The following RNF135 variants were observed in gnomAD, a reference collection of about 807,000 sequenced individuals.
The protein encoded by RNF135 is E3 ubiquitin-protein ligase RNF135.
A neutral mutation model predicts 41.9 loss-of-function variants in RNF135; 46 were observed. That is an observed-to-expected ratio of 1.10 (90% CI 0.87 to 1.40). The LOEUF (loss-of-function observed/expected upper bound fraction) is 1.40, where lower values mean the gene tolerates loss of function less well. Among genes scored for constraint, RNF135 ranks in the 40% most tolerant of loss-of-function variants. The pLI is 0.00. For synonymous variants in RNF135, 238 were observed against 223.8 expected, an observed-to-expected ratio of 1.06 and a Z score of -0.57; for missense variants, 539 against 549.8, an observed-to-expected ratio of 0.98 and a Z score of 0.20.
the RNF135 span, among the ~76,000 whole-genome samples, chr17:30,964,388 T>TAA: frequency 2.7e-5 from 1 of 37,628 alleles, no homozygotes; most frequent in African/African-American, 4.3e-4. Context: ...AGACTTCATC[T>TAA]CAAAAAAAAA....
intron 1 of RNF135, chr17:30,975,634 A>G: frequency 1.8e-6 from 2 of 1,105,162 alleles, no homozygotes; most frequent in Non-Finnish European, 2.8e-6. Context: ...AGCAAAAACA[A>G]GAAACTCCAC....
Position 30,983,353 on chromosome 17 carries a change from A to AT in RNF135, c.373-1246dup, listed in dbSNP as rs1192298651. Among the ~76,000 whole-genome samples the AT allele has an allele frequency of 3.4e-3, 120 of 35,738 alleles. 14 individuals carry two copies. The highest frequency in any genetic ancestry group is 5.2e-3 in the Non-Finnish European group (97 of 18,668). 23.4% of individuals were successfully genotyped at this position (35,738 alleles called of 152,430 possible). A position where few individuals can be genotyped will look rare whatever the true frequency, so the allele number is the denominator to read the frequency against. ...TATATATATATATATATATATATATATTTTTTTTTTTTTTTTTTGAGATGG... is the reference window on the plus strand; with the variant it reads ...TATATATATATATATATATATATATATTTTTTTTTTTTTTTTTTTGAGATGG... On this transcript the variant is annotated intron_variant, in intron 1 of 4. Transcript: ENST00000328381.
the RNF135 span, among the ~76,000 whole-genome samples, chr17:30,963,394 AAC>A: frequency 6.6e-6 from 1 of 151,942 alleles, no homozygotes; most frequent in Non-Finnish European, 1.5e-5. Flanking sequence ...CATCCTGGCT[AAC>A]ACGGTGAAAC....
intron 3 of RNF135, chr17:30,993,853 C>G: frequency 1.3e-6 from 1 of 797,296 alleles, no homozygotes; most frequent in South Asian, 1.6e-5. Flanking sequence ...CTCTGTTGCC[C>G]AGGCTGGAGT....
intron 3 of RNF135, chr17:30,993,918 C>T: frequency 1.6e-6 from 1 of 607,454 alleles, no homozygotes; most frequent in Non-Finnish European, 2.9e-6. Flanking sequence ...ATCTTCCTTC[C>T]TAAGACTCCC....
intron 1 of RNF135, among the ~76,000 whole-genome samples, chr17:30,983,556 G>A (rs1031902395): frequency 1.3e-5 from 2 of 150,708 alleles, no homozygotes; most frequent in African/African-American, 4.9e-5. Flanking sequence ...GTTTCACCAG[G>A]TTGGCCAGGA....
chr17:30,981,167 G>C (rs945916545), intron 1 of RNF135, among the ~76,000 whole-genome samples: 1 of 149,750 alleles, frequency 6.7e-6, no homozygotes, highest in African/African-American at 2.5e-5. Context: ...AGACCAGCCC[G>C]GCCAACACAG....
the RNF135 span, among the ~76,000 whole-genome samples, chr17:30,964,389 CAAA>C: frequency 5.4e-5 from 2 of 37,196 alleles, no homozygotes; most frequent in Non-Finnish European, 1.2e-4. Flanking sequence ...GACTTCATCT[CAAA>C]AAAAAAAAAA....
chr17:30,975,193 C>T (rs1205466863), intron 1 of RNF135, among the ~76,000 whole-genome samples: 2 of 151,738 alleles, frequency 1.3e-5, no homozygotes, highest in East Asian at 3.9e-4. Context: ...TGTGATGACA[C>T]ATGGCTGTGG....
At chr17:30,975,931 C>T (rs1906410692) in intron 1 of RNF135, 2 of 566,562 alleles carry the variant, frequency 3.5e-6, no homozygotes, top group Non-Finnish European at 6.6e-6. Flanking sequence ...ACTCTTCTGC[C>T]TGTTCATCTC....
chr17:30,983,353 A>ATATTTTTTTTTTTTTTTTTTTTTT (rs1420453160), intron 1 of RNF135, among the ~76,000 whole-genome samples: 1 of 35,744 alleles, frequency 2.8e-5, no homozygotes, highest in African/African-American at 9.1e-5. Flanking sequence ...ATATATATAT[A>ATATTTTTTTTTTTTTTTTTTTTTT]TTTTTTTTTT....
At chr17:30,989,221 A>G (rs1907824447) in intron 3 of RNF135, among the ~76,000 whole-genome samples, 1 of 151,782 alleles carries the variant, frequency 6.6e-6, no homozygotes, top group African/African-American at 2.4e-5. Flanking sequence ...AATAAAAAGT[A>G]ACCAGATGTG....
chr17:30,963,439 G>A, the RNF135 span, among the ~76,000 whole-genome samples: 1 of 151,938 alleles, frequency 6.6e-6, no homozygotes, highest in Admixed American at 6.6e-5. Context: ...CAAATTAGCC[G>A]GGTGTGGTTG....
In RNF135 at chr17:30,985,535, C is replaced by A. The variant is rs1230743779; in HGVS notation, c.516+775C>A. Among the ~76,000 whole-genome samples the A allele has an allele frequency of 4.6e-5, 7 of 152,260 alleles. 1 individual carries two copies. Among genetic ancestry groups the A allele is most frequent in the Admixed American group, 4.6e-4 (7 of 15,286 alleles). ...TATGCAGCATATTGTAGCTTTAAGA[C>A]CTGCCTAATTACCTCTCAAATCTAT... On this transcript the variant is annotated intron_variant, in intron 2 of 4. Coordinates refer to ENST00000328381, the MANE Select transcript of RNF135 (RefSeq NM_032322.4).
intron 1 of RNF135, chr17:30,975,755 C>T: frequency 8.4e-7 from 1 of 1,190,526 alleles, no homozygotes. Flanking sequence ...GTACATGGGT[C>T]ATCGGGTACC....
intron 4 of RNF135, 55 bp from the exon 5 acceptor site, chr17:30,998,607 G>A: frequency 1.3e-6 from 2 of 1,562,904 alleles, no homozygotes; most frequent in Non-Finnish European, 1.8e-6. Flanking sequence ...TTCTTAGCAT[G>A]GACCATCAAA....
intron 3 of RNF135, among the ~76,000 whole-genome samples, chr17:30,993,550 A>G (rs1319804742): frequency 2.6e-5 from 4 of 152,148 alleles, no homozygotes; most frequent in Non-Finnish European, 4.4e-5. Flanking sequence ...CTTTAGAGAC[A>G]TATCTCATAG....
At chr17:30,991,268 C>A (rs980584753) in intron 3 of RNF135, among the ~76,000 whole-genome samples, 5 of 151,918 alleles carry the variant, frequency 3.3e-5, no homozygotes, top group Admixed American at 2.0e-4. Flanking sequence ...GAGGTTGAGG[C>A]AGGTGAATTG....
chr17:30,991,363 C>G (rs927424931), intron 3 of RNF135, among the ~76,000 whole-genome samples: 1 of 151,448 alleles, frequency 6.6e-6, no homozygotes, highest in East Asian at 1.9e-4. Flanking sequence ...AACTCTGACT[C>G]AAGAAAATAC....
Sources: gnomAD v4.1 joint callset for allele counts (sites outside exome capture counted in the v4.1 genomes callset) on GRCh38, gnomAD v4.1.1 for gene constraint, MANE v1.5 for transcripts, NCBI Gene and HGNC (gene_info 2026-07-23, HGNC 2026-07-21) for gene names.